Variants in PCNX3 observed in about 807,000 individuals in gnomAD.
The protein encoded by PCNX3 is pecanex 3.
A neutral mutation model predicts 207.2 loss-of-function variants in PCNX3; 58 were observed. The ratio of observed to expected loss-of-function variants is 0.28; its 90% CI spans 0.23 to 0.35. The LOEUF is 0.35. PCNX3 is among the 10% of genes least tolerant of loss of function. The probability of loss-of-function intolerance (pLI) is 1.00; values close to 1 mark genes in which losing one functional copy is unlikely to be tolerated. For synonymous variants in PCNX3, 1,337 were observed against 1,183.5 expected (o/e 1.13, Z -2.66); for missense variants, 2,410 against 2,774.4 (o/e 0.87, Z 2.95).
At chr11:65,632,526 A>G (rs1290589478) in intron 27 of PCNX3, among the ~76,000 whole-genome samples, 2 of 138,822 alleles carry the variant, frequency 1.4e-5, no homozygotes, top group East Asian at 4.1e-4. Flanking sequence ...TTGAGGCTGC[A>G]CGGAGTCTGG....
intron 10 of PCNX3, among the ~76,000 whole-genome samples, chr11:65,621,297 T>C (rs1855083669): frequency 6.6e-6 from 1 of 152,134 alleles, no homozygotes; most frequent in Non-Finnish European, 1.5e-5. Context: ...GCAGGGACCC[T>C]GTGATGACTG....
rs1448147000 is a variant in PCNX3 at position 65,625,201 on chromosome 11, C to T, written c.2950C>T (p.Leu984Phe). 8 of 1,610,350 alleles carry T rather than the reference C, an allele frequency of 5.0e-6. No individual in the cohort carries two copies. Among genetic ancestry groups the T allele is most frequent in the African/African-American group, 1.3e-5 (1 of 74,868 alleles). The change falls in exon 17 of 35, where the codon CTC becomes TTC. Residue 984 changes from leucine to phenylalanine, a missense_variant. Transcript: ENST00000355703. This position sits in a 1 kb window ranked among gnomAD's most constrained non-coding sequence, Gnocchi z 5.6. ...TPWPEQHVPV[L>F]FSVFCGLLVA... ...GTGGCCAGAGCAGCACGTCCCTGTC[C>T]TCTTCTCAGTCTTCTGTGGCCTCCT...
intron 8 of PCNX3, 118 bp from the exon 9 acceptor site, chr11:65,620,221 C>T (rs1855014794): frequency 2.7e-6 from 3 of 1,112,932 alleles, no homozygotes; most frequent in South Asian, 1.6e-5. Flanking sequence ...GCTGGGCTGC[C>T]CTCTCAGAGG....
chr11:65,617,838 C>T (rs1854829034), intron 5 of PCNX3, 102 bp from the exon 6 acceptor site: 2 of 1,461,264 alleles, frequency 1.4e-6, no homozygotes, highest in Admixed American at 4.2e-5. Flanking sequence ...GCTGCTGTGG[C>T]TGGGCTCTCA....
rs1336138497 is a variant in PCNX3 at position 65,623,932 on chromosome 11, G to A, written c.2515G>A (p.Val839Met). 3.1e-6 allele frequency: 5 copies of A among 1,612,480 alleles called. No homozygotes were observed. The highest frequency in any genetic ancestry group is 2.7e-5 in the African/African-American group (2 of 74,940). ...ASCQYSLLKS[V>M]QPDAASPMHG... ...AACGTAGCCCTGTCTCTTCCAGAGCGTGCAGCCTGATGCGGCGTCCCCCAT... is the reference window on the plus strand; with the variant it reads ...AACGTAGCCCTGTCTCTTCCAGAGCATGCAGCCTGATGCGGCGTCCCCCAT... Residue 839 changes from valine (V) to methionine (M), a missense_variant, in exon 13 of 35, where the codon GTG becomes ATG. Around this residue, in one of 8 missense-constraint regions of PCNX3, gnomAD observed 177 missense variants for 257.5 expected, o/e 0.69. Transcript: ENST00000355703.
intron 6 of PCNX3, 76 bp from the exon 7 acceptor site, chr11:65,619,461 A>G: frequency 1.3e-6 from 2 of 1,559,250 alleles, no homozygotes; most frequent in Admixed American, 1.8e-5. Context: ...CCCTGGCGGA[A>G]CACCGTCCCC....
Position 65,619,619 on chromosome 11 carries a change from C to T in PCNX3, c.1788C>T (p.Ser596=), listed in dbSNP as rs1236869512. The change falls in exon 7 of 35, where the codon AGC becomes AGT. Residue 596 remains serine (S), a synonymous_variant. Coordinates refer to ENST00000355703, the MANE Select transcript of PCNX3 (RefSeq NM_032223.4). ...QAIRRRHNAG[S]NPTPPASVMG... is the part of the protein sequence containing the mutation. ...TTCGGAGACGCCACAATGCAGGCAG[C>T]AACCCCACCCCTCCAGCCTCTGTCA... 6.2e-7 allele frequency: 1 copy of T among 1,604,030 alleles called. No individual in the cohort carries two copies.
At chr11:65,630,197 C>A (rs994280273) in intron 26 of PCNX3, among the ~76,000 whole-genome samples, 154 bp from the exon 27 acceptor site, 7 of 152,212 alleles carry the variant, frequency 4.6e-5, no homozygotes, top group South Asian at 2.1e-4. Flanking sequence ...GGCAGGCGCT[C>A]TTTCGTGAAT....
intron 20 of PCNX3, 152 bp downstream of exon 20, chr11:65,626,206 G>A (rs1300560150): frequency 3.6e-6 from 4 of 1,126,200 alleles, no homozygotes; most frequent in Non-Finnish European, 5.2e-6. Context: ...CTCTGTGTCC[G>A]TGTTGCCCGG....
intron 20 of PCNX3, 69 bp downstream of exon 20, chr11:65,626,123 T>C: frequency 1.3e-6 from 2 of 1,538,370 alleles, no homozygotes; most frequent in South Asian, 1.2e-5. Flanking sequence ...GTGGGAGCTG[T>C]GGTCCTCTCG....
intron 20 of PCNX3, chr11:65,626,471 T>C (rs1008441690): frequency 2.5e-6 from 1 of 394,066 alleles, no homozygotes; most frequent in African/African-American, 2.1e-5. Context: ...ATTTGAGATA[T>C]GAAGATCCAT....
Position 65,616,283 on chromosome 11 carries a change from G to A in PCNX3, c.-29G>A, listed in dbSNP as rs770397589. The A allele has an allele frequency of 1.0e-5, 16 of 1,531,434 alleles. No individual in the cohort carries two copies. The highest frequency in any genetic ancestry group is 9.9e-5 in the East Asian group (4 of 40,224). 94.9% of individuals were successfully genotyped at this position (1,531,434 alleles called of 1,614,324 possible). Reference sequence around the variant, plus strand: ...GGCCGCCCCCATGAGGGTCCCGGGAGGGGGGGCGCGGGCAGCAGCGGCGGG... The same window carrying A: ...GGCCGCCCCCATGAGGGTCCCGGGAAGGGGGGCGCGGGCAGCAGCGGCGGG... On this transcript the variant is annotated 5_prime_UTR_variant, in exon 1 of 35. Coordinates refer to ENST00000355703, the MANE Select transcript of PCNX3 (RefSeq NM_032223.4).
intron 6 of PCNX3, 121 bp downstream of exon 6, chr11:65,619,188 T>C (rs1412715143): frequency 2.3e-6 from 2 of 878,618 alleles, no homozygotes; most frequent in Non-Finnish European, 3.4e-6. Flanking sequence ...AGGCAGCAGA[T>C]GGACGTGGGC....
At position 65,634,200 on chromosome 11, in the gene PCNX3, G is replaced by C. The variant is rs1477582686; in HGVS notation, c.4545G>C (p.Leu1515=). 6.2e-7 allele frequency: 1 copy of C among 1,613,572 alleles called. No homozygotes were observed. Among genetic ancestry groups the C allele is most frequent in the Admixed American group, 1.7e-5 (1 of 60,008 alleles). Residue 1515 remains leucine (L), a synonymous_variant, in exon 28 of 35, where the codon CTG becomes CTC. Transcript: ENST00000355703. ...WLSHEGITAA[L]RPVRVPGYAD... ...GCCATGAGGGCATCACGGCAGCCCT[G>C]AGGCCTGTGCGGGTGCCCGGCTATG... is the stretch of plus-strand genomic sequence containing the variant.
Position 65,624,305 on chromosome 11 carries a change from C to G in PCNX3, c.2655C>G (p.Ser885=). 4 of 1,575,572 alleles carry G rather than the reference C, an allele frequency of 2.5e-6. No homozygotes were observed. The highest frequency in any genetic ancestry group is 3.4e-6 in the Non-Finnish European group (4 of 1,159,998). ...LGSAQPFPPV[S]LYGLTLFSAS... ...CAGCTCAGCCCTTCCCACCTGTCTC[C>G]CTCTACGGCCTCACGCTCTTCTCTG... The change falls in exon 14 of 35, where the codon TCC becomes TCG. Residue 885 remains serine, a synonymous_variant. Coordinates refer to ENST00000355703, the MANE Select transcript of PCNX3 (RefSeq NM_032223.4).
chr11:65,625,002 C>T lies in PCNX3; in HGVS notation c.2905C>T (p.Leu969Phe), dbSNP rs372899269. 2.3e-5 allele frequency: 37 copies of T among 1,612,632 alleles called. No individual in the cohort carries two copies. The highest frequency in any genetic ancestry group is 1.6e-4 in the Middle Eastern group (1 of 6,082). ...TGCTGCCCTGCTCTACGGTTTCTGCCTTGGGGCCATCAAGGTAGGGGTGGC... is the reference window on the plus strand; with the variant it reads ...TGCTGCCCTGCTCTACGGTTTCTGCTTTGGGGCCATCAAGGTAGGGGTGGC... ...LAAALLYGFC[L>F]GAIKTPWPEQ... The change falls in exon 16 of 35, where the codon CTT becomes TTT. Residue 969 changes from leucine to phenylalanine, a missense_variant. Transcript: ENST00000355703. This position sits in a 1 kb window ranked among gnomAD's most constrained non-coding sequence, Gnocchi z 5.6.
At chr11:65,624,785 G>C (rs1855294140) in intron 15 of PCNX3, 140 bp from the exon 16 acceptor site, 1 of 980,804 alleles carries the variant, frequency 1.0e-6, no homozygotes, top group African/African-American at 1.6e-5. Flanking sequence ...GGCCGCTTGG[G>C]GCTTGGGGCA....
chr11:65,629,433 C>CAAG lies in PCNX3; in HGVS notation c.4000+19_4000+21dup. 6.2e-7 allele frequency: 1 copy of CAAG among 1,611,802 alleles called. No individual in the cohort carries two copies. The highest frequency in any genetic ancestry group is 8.5e-7 in the Non-Finnish European group (1 of 1,178,882). On this transcript the variant is annotated intron_variant, in intron 25 of 34. Coordinates refer to ENST00000355703, the MANE Select transcript of PCNX3 (RefSeq NM_032223.4). ...GAACCCTGGTGTGTACCCAGCCATC[C>CAAG]AAGGGGCTTTAGGGCAGGGCCTCCC...
chr11:65,619,938 C>A lies in PCNX3; in HGVS notation c.2008+6C>A. Reference sequence around the variant, plus strand: ...CTATTTCTACGATGAGAGCGGTGAGCCTTTCCCAAGCCCGGTGGCCCAGTG... The same window carrying A: ...CTATTTCTACGATGAGAGCGGTGAGACTTTCCCAAGCCCGGTGGCCCAGTG... On this transcript the variant is annotated splice_donor_region_variant and intron_variant, in intron 8 of 34. Transcript: ENST00000355703. 1.9e-6 allele frequency: 3 copies of A among 1,592,974 alleles called. No individual in the cohort carries two copies. Among genetic ancestry groups the A allele is most frequent in the African/African-American group, 2.7e-5 (2 of 74,670 alleles).
Sources: allele counts gnomAD v4.1 joint callset (sites outside exome capture counted in the v4.1 genomes callset), GRCh38; gene constraint gnomAD v4.1.1; regional missense constraint gnomAD v4.1.1; non-coding constraint Gnocchi (gnomAD v3.1); transcripts MANE v1.5; gene names NCBI Gene and HGNC (gene_info 2026-07-23, HGNC 2026-07-21).